The following VPS13B variants were observed in gnomAD, a reference collection of about 807,000 sequenced individuals.
VPS13B encodes the protein intermembrane lipid transfer protein VPS13B.
VPS13B carries 285 observed loss-of-function variants against 426.4 expected under a neutral mutation model. That is an observed-to-expected ratio of 0.67 (90% confidence interval 0.61 to 0.74). VPS13B has a LOEUF of 0.74. VPS13B is among the 30% of genes least tolerant of loss of function. The pLI, the probability that VPS13B is intolerant of heterozygous loss-of-function variation, is 0.00. For synonymous variants in VPS13B, 1,676 were observed against 1,676.4 expected (o/e 1.00, Z 0.01); for missense variants, 4,537 against 4,782.6 (o/e 0.95, Z 1.51).
At position 99,801,790 on chromosome 8, in the gene VPS13B, C is replaced by A. The variant is rs776577164; in HGVS notation, c.7942-7585C>A. The stretch of plus-strand genomic sequence containing the variant: ...TGTACTGTCTAGTTCTTTTCTGTAC[C>A]TACCATGTGTAGTACAGTTAGTTGG... On this transcript the variant is annotated intron_variant, in intron 43 of 61. Transcript: ENST00000357162. Among the ~76,000 whole-genome samples, 3 of 152,066 alleles carry A rather than the reference C, an allele frequency of 2.0e-5. 1 individual carries two copies. In the South Asian group the frequency reaches 6.2e-4, roughly 32 times the overall value.
rs540734056 is a variant in VPS13B, at chr8:99,587,635, A to C, written c.5220+10002A>C. On this transcript the variant is annotated intron_variant, in intron 33 of 61. Coordinates refer to ENST00000357162, the MANE Select transcript of VPS13B (RefSeq NM_152564.5). ...ATAAATGTCTTCTTTTAAAGTGTCT[A>C]TTCATATCCTTTGCCCACTTTTTGA... Among the ~76,000 whole-genome samples, 6 of 151,608 alleles carry C rather than the reference A, an allele frequency of 4.0e-5. No homozygotes were observed. In the East Asian group the frequency reaches 1.2e-3, roughly 29 times the overall value.
At chr8:99,110,125 G>A (rs966165339) in intron 5 of VPS13B, among the ~76,000 whole-genome samples, 3 of 151,968 alleles carry the variant, frequency 2.0e-5, no homozygotes, top group Non-Finnish European at 4.4e-5. Flanking sequence ...ATACTGTTTA[G>A]ACACATCTTC....
At chr8:99,178,087 T>G (rs942305450) in intron 16 of VPS13B, among the ~76,000 whole-genome samples, 3 of 152,106 alleles carry the variant, frequency 2.0e-5, no homozygotes, top group Non-Finnish European at 4.4e-5. Context: ...CTAGGTTTTC[T>G]TTTTATGACT....
In VPS13B at chr8:99,270,131, C is replaced by CT. The variant is rs71273170; in HGVS notation, c.2516-4041dup. Among the ~76,000 whole-genome samples the CT allele has an allele frequency of 8.4e-3, 253 of 30,278 alleles. 102 individuals carry two copies. The highest frequency in any genetic ancestry group is 0.018 in the East Asian group (15 of 826). The allele number at this position is 30,278 out of a possible 152,430, so 19.9% of individuals were successfully genotyped here. ...ATATAGGTATATAAGATATAAGAAT[C>CT]TTTTTTTTTTTTTTTTTTTTTTTTT... On this transcript the variant is annotated intron_variant, in intron 17 of 61. Coordinates refer to ENST00000357162, the MANE Select transcript of VPS13B (RefSeq NM_152564.5).
intron 18 of VPS13B, 104 bp downstream of exon 18, chr8:99,274,436 A>G (rs1007898147): frequency 3.8e-6 from 6 of 1,559,298 alleles, no homozygotes; most frequent in Admixed American, 1.7e-5. Context: ...CACTGTTGCT[A>G]TGAATCAGAC....
At chr8:99,089,904 C>G (rs1431906611) in intron 3 of VPS13B, among the ~76,000 whole-genome samples, 1 of 152,090 alleles carries the variant, frequency 6.6e-6, no homozygotes, top group Non-Finnish European at 1.5e-5. Context: ...GGCCTGTGAT[C>G]TGTCATGTGA....
At chr8:99,067,419 C>G (rs990500998) in intron 3 of VPS13B, among the ~76,000 whole-genome samples, 3 of 152,194 alleles carry the variant, frequency 2.0e-5, no homozygotes, top group Non-Finnish European at 4.4e-5. Flanking sequence ...CGCATGATCT[C>G]ACTCATAGGT....
At chr8:99,031,574 A>T (rs908108487) in intron 2 of VPS13B, among the ~76,000 whole-genome samples, 1 of 152,142 alleles carries the variant, frequency 6.6e-6, no homozygotes, top group African/African-American at 2.4e-5. Flanking sequence ...TGTAGATTTG[A>T]CTTACAGTAC....
chr8:99,203,945 TATAG>T (rs1814515258), intron 17 of VPS13B, among the ~76,000 whole-genome samples: 1 of 152,186 alleles, frequency 6.6e-6, no homozygotes, highest in Non-Finnish European at 1.5e-5. Context: ...CAAAATAATT[TATAG>T]ATTCAGTATA....
intron 21 of VPS13B, among the ~76,000 whole-genome samples, chr8:99,400,757 A>G (rs1814989509): frequency 6.6e-6 from 1 of 152,084 alleles, no homozygotes; most frequent in Admixed American, 6.6e-5. Flanking sequence ...TACAACCTCC[A>G]CATCCCGAGT....
chr8:99,540,437 A>C (rs1004920413), intron 30 of VPS13B, among the ~76,000 whole-genome samples: 1 of 152,090 alleles, frequency 6.6e-6, no homozygotes, highest in African/African-American at 2.4e-5. Flanking sequence ...GAGATCTAAA[A>C]TTCATCACCA....
rs557238146 is a variant in VPS13B at position 99,802,187 on chromosome 8, A to G, written c.7942-7188A>G. Among the ~76,000 whole-genome samples the G allele has an allele frequency of 3.5e-3, 536 of 151,994 alleles. 3 individuals carry two copies. The highest frequency in any genetic ancestry group is 5.3e-3 in the Non-Finnish European group (360 of 67,948). The stretch of plus-strand genomic sequence containing the variant: ...AAAAAACAAGCTGTGGCCCTAGGGA[A>G]AAAAGCTCACATAATTGCATTAAAT... On this transcript the variant is annotated intron_variant, in intron 43 of 61. Coordinates refer to ENST00000357162, the MANE Select transcript of VPS13B (RefSeq NM_152564.5).
At chr8:99,067,991 G>A (rs531655183) in intron 3 of VPS13B, among the ~76,000 whole-genome samples, 1 of 151,770 alleles carries the variant, frequency 6.6e-6, no homozygotes, top group African/African-American at 2.4e-5. Context: ...GCTAGATTTC[G>A]CCTTTTACTT....
intron 8 of VPS13B, among the ~76,000 whole-genome samples, chr8:99,124,602 T>C (rs745700506): frequency 6.6e-6 from 1 of 151,924 alleles, no homozygotes; most frequent in Non-Finnish European, 1.5e-5. Flanking sequence ...AAAATGAAAT[T>C]TTGGCCAGGT....
intron 5 of VPS13B, among the ~76,000 whole-genome samples, chr8:99,108,016 A>G (rs1847136892): frequency 6.6e-6 from 1 of 152,126 alleles, no homozygotes; most frequent in Admixed American, 6.6e-5. Context: ...ACCCTCAAGT[A>G]GGCCTTGGTA....
At chr8:99,323,009 T>C (rs1810059569) in intron 19 of VPS13B, among the ~76,000 whole-genome samples, 2 of 152,194 alleles carry the variant, frequency 1.3e-5, no homozygotes, top group South Asian at 4.1e-4. Context: ...CAACATTGTT[T>C]AATAATTATC....
At chr8:99,478,982 T>C (rs1427591550) in intron 24 of VPS13B, among the ~76,000 whole-genome samples, 1 of 152,126 alleles carries the variant, frequency 6.6e-6, no homozygotes, top group East Asian at 1.9e-4. Flanking sequence ...TGAAATTCCG[T>C]TTCTCCTTGA....
chr8:99,292,929 A>G (rs1460857689), intron 19 of VPS13B, among the ~76,000 whole-genome samples: 6 of 152,098 alleles, frequency 3.9e-5, no homozygotes, highest in East Asian at 1.9e-4. Context: ...TATCTTTTTG[A>G]TGACTGGTCC....
intron 21 of VPS13B, among the ~76,000 whole-genome samples, chr8:99,415,487 G>A (rs971511745): frequency 6.6e-5 from 10 of 152,016 alleles, no homozygotes; most frequent in Admixed American, 4.6e-4. Flanking sequence ...TTGGATAAGA[G>A]GCATTCTGGA....
Sources: gnomAD v4.1 joint callset for allele counts (sites outside exome capture counted in the v4.1 genomes callset) on GRCh38, gnomAD v4.1.1 for gene constraint, MANE v1.5 for transcripts, NCBI Gene and HGNC (gene_info 2026-07-23, HGNC 2026-07-21) for gene names.